SPECC1: variants seen among roughly 807,000 people sequenced by gnomAD.
SPECC1 encodes sperm antigen with calponin homology and coiled-coil domains 1, also known as cytospin-B.
SPECC1 carries 62 observed loss-of-function variants against 104.1 expected under a neutral mutation model. The ratio of observed to expected loss-of-function variants is 0.60; its 90% CI spans 0.49 to 0.74. The LOEUF (loss-of-function observed/expected upper bound fraction) is 0.74, where lower values mean the gene tolerates loss of function less well. Ranked by LOEUF, SPECC1 falls within the 30% of genes least tolerant of loss-of-function variation. The pLI is 0.00. For missense variants in SPECC1, 1,306 were observed against 1,310.5 expected, an observed-to-expected ratio of 1.00 and a Z score of 0.05; for synonymous variants, 513 against 501.6, an observed-to-expected ratio of 1.02 and a Z score of -0.30.
At position 20,246,208 on chromosome 17, in the gene SPECC1, C is replaced by T. The variant is rs76245044; in HGVS notation, c.2497+137C>T. 4.2e-4 allele frequency: 411 copies of T among 975,750 alleles called. 1 individual carries two copies. The African/African-American group carries it at 5.9e-3, about 14-fold the overall frequency. The allele number at this position is 975,750 out of a possible 1,614,324, so 60.4% of individuals were successfully genotyped here. On this transcript the variant is annotated intron_variant, in intron 8 of 14. Transcript: ENST00000395527. ...GGCGCTTTCCAGGTCCTACCACGTG[C>T]AGCCACTGCATGCAGGAGCCTGGCT...
At chr17:20,132,905 A>G (rs1486451056) in intron 3 of SPECC1, among the ~76,000 whole-genome samples, 2 of 151,810 alleles carry the variant, frequency 1.3e-5, no homozygotes, top group Non-Finnish European at 2.9e-5. Flanking sequence ...ATGCCCAGCT[A>G]ATTTTTTATA....
At chr17:20,058,251 T>A (rs2046042522) in intron 1 of SPECC1, among the ~76,000 whole-genome samples, 1 of 152,194 alleles carries the variant, frequency 6.6e-6, no homozygotes, top group African/African-American at 2.4e-5. Context: ...TCACATGTAT[T>A]TCAGTATGGA....
At chr17:20,259,900 C>G (rs1269001007) in intron 11 of SPECC1, among the ~76,000 whole-genome samples, 1 of 152,084 alleles carries the variant, frequency 6.6e-6, no homozygotes, top group Admixed American at 6.6e-5. Flanking sequence ...TCAAATGATA[C>G]TGTACTTAAG....
At chr17:20,251,690 A>G (rs2039638669) in intron 9 of SPECC1, among the ~76,000 whole-genome samples, 1 of 151,526 alleles carries the variant, frequency 6.6e-6, no homozygotes, top group Non-Finnish European at 1.5e-5. Flanking sequence ...TATCAACATG[A>G]ATATCAATAG....
chr17:20,242,051 C>T (rs1341998827), intron 7 of SPECC1, among the ~76,000 whole-genome samples: 1 of 152,150 alleles, frequency 6.6e-6, no homozygotes, highest in African/African-American at 2.4e-5. Context: ...ACATGCGACC[C>T]GCCCTCTTCA....
At chr17:20,195,173 A>G (rs967206993) in intron 3 of SPECC1, among the ~76,000 whole-genome samples, 2 of 152,212 alleles carry the variant, frequency 1.3e-5, no homozygotes, top group Non-Finnish European at 2.9e-5. Context: ...CAAAGTTACA[A>G]GAAAACATGC....
chr17:20,126,040 G>A (rs571811972), intron 3 of SPECC1, among the ~76,000 whole-genome samples: 2 of 152,248 alleles, frequency 1.3e-5, no homozygotes, highest in East Asian at 3.9e-4. Context: ...GGTGCCTGTG[G>A]TATAGACAGT....
In SPECC1 at chr17:20,287,232, A is replaced by G. The variant is rs185692556; in HGVS notation, c.2941-9729A>G. On this transcript the variant is annotated intron_variant, in intron 12 of 14. Transcript: ENST00000395527. ...GGATATCGAGACCATCCTGGCTAAC[A>G]AGGTGAAACCCCGTCTCTACGAAAA... Among the ~76,000 whole-genome samples the G allele has an allele frequency of 1.9e-3, 285 of 152,226 alleles. 2 individuals carry two copies. Among genetic ancestry groups the G allele is most frequent in the Middle Eastern group, 3.4e-3 (1 of 294 alleles).
chr17:20,094,365 G>A (rs1280159868), intron 1 of SPECC1, among the ~76,000 whole-genome samples: 1 of 152,192 alleles, frequency 6.6e-6, no homozygotes, highest in Non-Finnish European at 1.5e-5. Flanking sequence ...CCACAGGATC[G>A]ACGCATTTGT....
Position 20,096,766 on chromosome 17 carries a change from A to G in SPECC1, c.115A>G (p.Thr39Ala), listed in dbSNP as rs1382388610. The G allele has an allele frequency of 3.7e-6, 6 of 1,614,118 alleles. No homozygotes were observed. The highest frequency in any genetic ancestry group is 1.1e-5 in the South Asian group (1 of 91,066). ...SSGMKSSKSSTSLAFESRLSR... is the reference protein window; with the variant it reads ...SSGMKSSKSSASLAFESRLSR... ...CGGCATGAAGAGTTCTAAGTCTTCAACTTCCTTGGCTTTTGAGTCCCGACT... is the reference window on the plus strand; with the variant it reads ...CGGCATGAAGAGTTCTAAGTCTTCAGCTTCCTTGGCTTTTGAGTCCCGACT... Residue 39 changes from threonine to alanine, a missense_variant, in exon 2 of 15, where the codon ACT becomes GCT. Thr to Ala is a moderately conservative substitution (Grantham distance 58). Transcript: ENST00000395527.
intron 2 of SPECC1, among the ~76,000 whole-genome samples, chr17:20,097,644 C>T (rs981461524): frequency 1.3e-5 from 2 of 152,076 alleles, no homozygotes; most frequent in African/African-American, 4.8e-5. Flanking sequence ...AAGTTCTGAA[C>T]CAAGCATGGT....
chr17:20,251,563 T>C (rs2039635376), intron 9 of SPECC1, among the ~76,000 whole-genome samples: 1 of 152,206 alleles, frequency 6.6e-6, no homozygotes. Flanking sequence ...TGGAATTGTG[T>C]TTAATATGCT....
At chr17:20,144,977 C>A (rs1238462794) in intron 3 of SPECC1, among the ~76,000 whole-genome samples, 1 of 152,070 alleles carries the variant, frequency 6.6e-6, no homozygotes, top group African/African-American at 2.4e-5. Flanking sequence ...TTAAGTTAAG[C>A]CCTATTAAGG....
intron 7 of SPECC1, chr17:20,237,755 T>A (rs191380712): frequency 5.2e-6 from 1 of 193,208 alleles, no homozygotes; most frequent in East Asian, 8.1e-5. Flanking sequence ...GTCAGAAGGT[T>A]CGGCGAGTTG....
At chr17:20,112,285 G>T in intron 3 of SPECC1, 1 of 762,160 alleles carries the variant, frequency 1.3e-6, no homozygotes, top group South Asian at 1.3e-5. Flanking sequence ...TTGTGTCATG[G>T]AGAGCTTATT....
intron 3 of SPECC1, among the ~76,000 whole-genome samples, chr17:20,156,779 T>G (rs936918781): frequency 5.3e-5 from 8 of 152,166 alleles, no homozygotes; most frequent in African/African-American, 1.7e-4. Context: ...GTGAGCTTCG[T>G]GGAGTCAGTT....
At chr17:20,131,803 C>A (rs1597784786) in intron 3 of SPECC1, among the ~76,000 whole-genome samples, 1 of 151,976 alleles carries the variant, frequency 6.6e-6, no homozygotes, top group Non-Finnish European at 1.5e-5. Context: ...GTGCGCACCA[C>A]CACGCCTGGC....
At chr17:20,155,815 CA>C in intron 3 of SPECC1, 1 of 669,392 alleles carries the variant, frequency 1.5e-6, no homozygotes, top group Non-Finnish European at 1.9e-6. Flanking sequence ...TGCAGCCGGT[CA>C]GCCGGTGCGT....
chr17:20,279,557 G>A (rs2040697758), intron 12 of SPECC1, among the ~76,000 whole-genome samples: 1 of 152,070 alleles, frequency 6.6e-6, no homozygotes, highest in Non-Finnish European at 1.5e-5. Flanking sequence ...CCCGACCTCA[G>A]GTGATCCGCC....
Sources: allele counts gnomAD v4.1 joint callset (sites outside exome capture counted in the v4.1 genomes callset), GRCh38; gene constraint gnomAD v4.1.1; transcripts MANE v1.5; gene names NCBI Gene and HGNC (gene_info 2026-07-23, HGNC 2026-07-21).